Variants in B3GALT1 observed in about 807,000 individuals in gnomAD.
B3GALT1 encodes UDP-Gal:betaGlcNAc beta 1,3-galactosyltransferase, polypeptide 1.
A neutral mutation model predicts 23.2 loss-of-function variants in B3GALT1; 10 were observed. The observed-to-expected ratio is 0.43, with a 90% CI of 0.27 to 0.73. The LOEUF (loss-of-function observed/expected upper bound fraction) is 0.73, where lower values mean the gene tolerates loss of function less well. B3GALT1 is among the 30% of genes least tolerant of loss of function. B3GALT1 has a pLI of 0.21. For missense variants in B3GALT1, 299 were observed against 405.4 expected, an observed-to-expected ratio of 0.74 and a Z score of 2.25; for synonymous variants, 156 against 141.5, an observed-to-expected ratio of 1.10 and a Z score of -0.73.
At chr2:167,567,130 A>G (rs1457359435) in intron 2 of B3GALT1, among the ~76,000 whole-genome samples, 3 of 152,158 alleles carry the variant, frequency 2.0e-5, no homozygotes, top group Non-Finnish European at 4.4e-5. Flanking sequence ...TAGTATATGA[A>G]TCTTCTCTCC....
intron 2 of B3GALT1, among the ~76,000 whole-genome samples, chr2:167,547,479 G>A (rs1424453991): frequency 6.6e-6 from 1 of 152,042 alleles, no homozygotes; most frequent in South Asian, 2.1e-4. Context: ...AGCGGATCAC[G>A]AGGTCAGGAG....
chr2:167,385,328 C>G (rs77013394), intron 1 of B3GALT1, among the ~76,000 whole-genome samples: 1,600 of 152,288 alleles, frequency 0.011, 26 homozygotes, highest in African/African-American at 0.036. Context: ...TTCCCTGACA[C>G]AGAATTAATC....
At chr2:167,651,292 G>A (rs1400069483) in intron 3 of B3GALT1, among the ~76,000 whole-genome samples, 1 of 151,496 alleles carries the variant, frequency 6.6e-6, no homozygotes, top group African/African-American at 2.4e-5. Flanking sequence ...GCACACATGT[G>A]TGCGTGAGAA....
chr2:167,756,344 A>T (rs770574851), intron 3 of B3GALT1, among the ~76,000 whole-genome samples: 2 of 152,186 alleles, frequency 1.3e-5, no homozygotes, highest in Non-Finnish European at 2.9e-5. Context: ...AGGGACAAAC[A>T]TTTGAACATA....
intron 3 of B3GALT1, among the ~76,000 whole-genome samples, chr2:167,767,713 T>G (rs536264450): frequency 6.6e-6 from 1 of 152,304 alleles, no homozygotes; most frequent in Non-Finnish European, 1.5e-5. Context: ...TAAGTAAATT[T>G]TATTATAAAG....
intron 3 of B3GALT1, among the ~76,000 whole-genome samples, chr2:167,745,127 A>G (rs1381740695): frequency 6.6e-6 from 1 of 151,920 alleles, no homozygotes; most frequent in African/African-American, 2.4e-5. Flanking sequence ...TTTTCTATCA[A>G]CTGGTGTGGA....
intron 1 of B3GALT1, among the ~76,000 whole-genome samples, chr2:167,369,061 T>TTGTGTGTGTGTGTG (rs60938716): frequency 2.0e-5 from 3 of 147,580 alleles, no homozygotes; most frequent in African/African-American, 5.1e-5. Flanking sequence ...AAACTCTTAT[T>TTGTGTGTGTGTGTG]TGTGTGTGTG....
chr2:167,301,374 G>C (rs891019772), intron 1 of B3GALT1, among the ~76,000 whole-genome samples: 1 of 152,148 alleles, frequency 6.6e-6, no homozygotes, highest in Non-Finnish European at 1.5e-5. Context: ...CATCACTGAT[G>C]GGCTAAATCA....
chr2:167,704,063 C>A (rs1041372553), intron 3 of B3GALT1, among the ~76,000 whole-genome samples: 1 of 151,782 alleles, frequency 6.6e-6, no homozygotes, highest in African/African-American at 2.4e-5. Context: ...CGCCTGTAGT[C>A]CCAGCTACTC....
chr2:167,398,850 G>T (rs1698141372), intron 1 of B3GALT1, among the ~76,000 whole-genome samples: 1 of 152,068 alleles, frequency 6.6e-6, no homozygotes, highest in Non-Finnish European at 1.5e-5. Context: ...ACCACAACCT[G>T]CCAGTGTCCT....
chr2:167,317,323 G>A (rs570996412), intron 1 of B3GALT1, among the ~76,000 whole-genome samples: 58 of 152,230 alleles, frequency 3.8e-4, no homozygotes, highest in African/African-American at 1.3e-3. Flanking sequence ...GGCTTTGAAG[G>A]GAATCATGTG....
At chr2:167,834,133 A>C (rs1485018324) in intron 4 of B3GALT1, among the ~76,000 whole-genome samples, 1 of 152,186 alleles carries the variant, frequency 6.6e-6, no homozygotes, top group African/African-American at 2.4e-5. Flanking sequence ...AGAGTTCAAA[A>C]ACAAACAGAA....
chr2:167,687,560 C>G (rs1329746463), intron 3 of B3GALT1, among the ~76,000 whole-genome samples: 1 of 151,976 alleles, frequency 6.6e-6, no homozygotes, highest in Admixed American at 6.6e-5. Flanking sequence ...TAGGAAAATA[C>G]TGGTTTGAAA....
chr2:167,707,799 T>TAAA (rs562621406), intron 3 of B3GALT1, among the ~76,000 whole-genome samples: 253 of 152,352 alleles, frequency 1.7e-3, no homozygotes, highest in Non-Finnish European at 2.7e-3. Context: ...TGGGCCTCTT[T>TAAA]GGAGGGCCAT....
intron 3 of B3GALT1, among the ~76,000 whole-genome samples, chr2:167,736,431 G>C (rs1460159033): frequency 6.6e-6 from 1 of 152,168 alleles, no homozygotes; most frequent in African/African-American, 2.4e-5. Flanking sequence ...ATGCCTTAGG[G>C]GTTCAAGGCA....
chr2:167,484,435 T>C (rs911806548), intron 1 of B3GALT1, among the ~76,000 whole-genome samples: 2 of 152,208 alleles, frequency 1.3e-5, no homozygotes, highest in African/African-American at 2.4e-5. Context: ...ATTTTACACA[T>C]TCTAGTGGGA....
At chr2:167,846,526 T>C (rs928492152) in intron 4 of B3GALT1, among the ~76,000 whole-genome samples, 8 of 152,186 alleles carry the variant, frequency 5.3e-5, no homozygotes, top group Admixed American at 3.3e-4. Context: ...GAAAGATAGA[T>C]AGTCTTTTTC....
chr2:167,795,434 A>C (rs368009982), intron 3 of B3GALT1, among the ~76,000 whole-genome samples: 4 of 152,174 alleles, frequency 2.6e-5, no homozygotes, highest in Admixed American at 2.6e-4. Flanking sequence ...TAAAGTCATC[A>C]TTGCTTTTTT....
chr2:167,853,843 T>C (rs953308786), intron 4 of B3GALT1, among the ~76,000 whole-genome samples: 1 of 152,160 alleles, frequency 6.6e-6, no homozygotes, highest in African/African-American at 2.4e-5. Context: ...TTTCAGTTAA[T>C]TCACCTAGGG....
Sources: allele counts gnomAD v4.1 joint callset (sites outside exome capture counted in the v4.1 genomes callset), GRCh38; gene constraint gnomAD v4.1.1; transcripts MANE v1.5; gene names NCBI Gene and HGNC (gene_info 2026-07-23, HGNC 2026-07-21).